Variants in LRRC49 observed in about 807,000 individuals in gnomAD.
LRRC49 encodes the protein leucine-rich repeat-containing protein 49.
In LRRC49, 50 loss-of-function variants were observed where a neutral mutation model predicts 83.3. That is an observed-to-expected ratio of 0.60 (90% CI 0.48 to 0.76). LRRC49 has a LOEUF of 0.76. Ranked by LOEUF, LRRC49 falls within the 30% of genes least tolerant of loss-of-function variation. The probability of loss-of-function intolerance (pLI) is 0.00; values close to 1 mark genes in which losing one functional copy is unlikely to be tolerated. For synonymous variants in LRRC49, 286 were observed against 283.3 expected (o/e 1.01, Z -0.10); for missense variants, 704 against 809.1 (o/e 0.87, Z 1.58).
intron 8 of LRRC49, among the ~76,000 whole-genome samples, chr15:70,940,251 A>ATT (rs398027829): frequency 1.8e-3 from 161 of 87,048 alleles, no homozygotes; most frequent in African/African-American, 2.5e-3. Flanking sequence ...GAATATATGG[A>ATT]TTTTTTTTTT....
Position 70,984,270 on chromosome 15 carries a change from A to G in LRRC49, c.1169+13A>G, listed in dbSNP as rs368027009. ...CAGAGGAAACAGGGTATGCAATGGTATTTTTTCAAGATACAAGCATCTTTG... is the reference window on the plus strand; with the variant it reads ...CAGAGGAAACAGGGTATGCAATGGTGTTTTTTCAAGATACAAGCATCTTTG... On this transcript the variant is annotated intron_variant, in intron 11 of 15. Coordinates refer to ENST00000260382, the MANE Select transcript of LRRC49 (RefSeq NM_017691.5). 1.0e-5 allele frequency: 16 copies of G among 1,583,738 alleles called. No homozygotes were observed. The African/African-American group carries it at 1.8e-4, about 17-fold the overall frequency.
chr15:70,878,091 A>G (rs947454049), intron 2 of LRRC49, among the ~76,000 whole-genome samples: 2 of 152,128 alleles, frequency 1.3e-5, no homozygotes, highest in Non-Finnish European at 2.9e-5. Context: ...CGAGCTTGCA[A>G]CAAGCCAGGA....
chr15:70,870,854 AT>A (rs531768403), intron 1 of LRRC49, among the ~76,000 whole-genome samples: 119 of 152,156 alleles, frequency 7.8e-4, no homozygotes, highest in African/African-American at 2.7e-3. Context: ...TGGGAATCAA[AT>A]TGTAACTAAA....
intron 3 of LRRC49, chr15:70,898,604 G>T (rs1034037721): frequency 3.2e-5 from 16 of 499,194 alleles, no homozygotes; most frequent in African/African-American, 3.1e-4. Context: ...GTAATATGAT[G>T]AAACCCCATC....
chr15:70,959,725 G>T (rs1054136616), intron 8 of LRRC49, among the ~76,000 whole-genome samples: 1 of 152,058 alleles, frequency 6.6e-6, no homozygotes, highest in Non-Finnish European at 1.5e-5. Flanking sequence ...GTTATTTATA[G>T]ATATCAACAA....
chr15:70,962,033 C>T (rs2036619072), intron 8 of LRRC49, among the ~76,000 whole-genome samples: 1 of 152,056 alleles, frequency 6.6e-6, no homozygotes, highest in South Asian at 2.1e-4. Context: ...CGGAAATGAG[C>T]CTGTAAGACT....
At chr15:71,032,439 T>G (rs2039387777) in intron 14 of LRRC49, among the ~76,000 whole-genome samples, 1 of 151,558 alleles carries the variant, frequency 6.6e-6, no homozygotes, top group Non-Finnish European at 1.5e-5. Context: ...CTTGGTTCCT[T>G]CTATTCTGTA....
intron 14 of LRRC49, among the ~76,000 whole-genome samples, chr15:71,013,416 C>T (rs1238024875): frequency 6.6e-6 from 1 of 152,114 alleles, no homozygotes; most frequent in Non-Finnish European, 1.5e-5. Flanking sequence ...CCAATCCATG[C>T]CAAGCAAAAA....
intron 8 of LRRC49, among the ~76,000 whole-genome samples, chr15:70,949,579 G>T (rs560315652): frequency 6.6e-6 from 1 of 151,970 alleles, no homozygotes; most frequent in Non-Finnish European, 1.5e-5. Context: ...GACCCCTCCC[G>T]TGGATACCAA....
chr15:70,959,805 G>C (rs2036544256), intron 8 of LRRC49, among the ~76,000 whole-genome samples: 1 of 152,076 alleles, frequency 6.6e-6, no homozygotes, highest in Admixed American at 6.6e-5. Flanking sequence ...AAAAGTTAGA[G>C]GAGTCACACT....
chr15:70,860,226 C>T (rs1231477406), intron 1 of LRRC49: 9 of 626,496 alleles, frequency 1.4e-5, no homozygotes, highest in Admixed American at 5.2e-5. Context: ...TGGAGGAGGC[C>T]GCTGTGCATG....
intron 11 of LRRC49, among the ~76,000 whole-genome samples, chr15:70,986,065 C>T (rs377758492): frequency 0.048 from 7,154 of 150,362 alleles, 253 homozygotes; most frequent in Non-Finnish European, 0.071. Flanking sequence ...AGTCAGGTAG[C>T]GTGATGCCTC....
chr15:70,940,134 T>A (rs1053628726), intron 8 of LRRC49, among the ~76,000 whole-genome samples: 7 of 152,164 alleles, frequency 4.6e-5, no homozygotes, highest in Non-Finnish European at 1.0e-4. Context: ...TCAATTATAT[T>A]TCTAGAAAAG....
intron 9 of LRRC49, among the ~76,000 whole-genome samples, chr15:70,971,268 G>A (rs760284335): frequency 3.3e-5 from 5 of 152,170 alleles, no homozygotes; most frequent in Non-Finnish European, 1.5e-5. Context: ...AGGTTGTTCA[G>A]TTTCCATGTA....
At chr15:70,989,559 C>A (rs1028509067) in intron 11 of LRRC49, among the ~76,000 whole-genome samples, 9 of 152,234 alleles carry the variant, frequency 5.9e-5, no homozygotes, top group Admixed American at 3.3e-4. Flanking sequence ...TTTTCAACTT[C>A]TTTGCCTTTG....
At chr15:70,928,785 G>A (rs971138704) in intron 7 of LRRC49, among the ~76,000 whole-genome samples, 12 of 152,018 alleles carry the variant, frequency 7.9e-5, no homozygotes, top group African/African-American at 2.9e-4. Context: ...GGCTGGTCTC[G>A]AACTCCTGAT....
intron 7 of LRRC49, among the ~76,000 whole-genome samples, chr15:70,935,101 A>G (rs2035549916): frequency 6.6e-6 from 1 of 152,230 alleles, no homozygotes; most frequent in Non-Finnish European, 1.5e-5. Flanking sequence ...TATGAAGTAT[A>G]TCACCTACTG....
intron 1 of LRRC49, among the ~76,000 whole-genome samples, chr15:70,861,165 T>C (rs1328113275): frequency 6.6e-6 from 1 of 152,250 alleles, no homozygotes; most frequent in African/African-American, 2.4e-5. Flanking sequence ...ATGTCTAAAG[T>C]ATTAGATATT....
chr15:70,860,105 G>C, intron 1 of LRRC49: 4 of 713,152 alleles, frequency 5.6e-6, no homozygotes, highest in Non-Finnish European at 1.0e-5. Flanking sequence ...GGTTGAAGAA[G>C]ATTGAGACCC....
Sources: allele counts gnomAD v4.1 joint callset (sites outside exome capture counted in the v4.1 genomes callset), GRCh38; gene constraint gnomAD v4.1.1; transcripts MANE v1.5; gene names NCBI Gene and HGNC (gene_info 2026-07-23, HGNC 2026-07-21).